The following IQCB1 variants were observed in gnomAD, a reference collection of about 807,000 sequenced individuals.
IQCB1 encodes the protein IQ motif containing B1, also known as IQ calmodulin-binding motif-containing protein 1.
IQCB1 carries 56 observed loss-of-function variants against 84.4 expected under a neutral mutation model. The observed-to-expected ratio is 0.66, with a 90% CI of 0.54 to 0.83. The LOEUF is 0.83. Among genes scored for constraint, IQCB1 ranks in the 40% least tolerant of loss-of-function variants. The pLI is 0.00. For synonymous variants in IQCB1, 210 were observed against 234.8 expected (o/e 0.89, Z 0.96); for missense variants, 629 against 682.1 (o/e 0.92, Z 0.87).
intron 12 of IQCB1, among the ~76,000 whole-genome samples, chr3:121,786,786 T>C (rs555000067): frequency 3.1e-4 from 47 of 152,292 alleles, no homozygotes; most frequent in Admixed American, 1.8e-3. Flanking sequence ...CTCTAAGAAA[T>C]GGTAGGCAAA....
At chr3:121,821,428 A>G (rs1156770121) in intron 5 of IQCB1, among the ~76,000 whole-genome samples, 1 of 152,150 alleles carries the variant, frequency 6.6e-6, no homozygotes, top group Non-Finnish European at 1.5e-5. Flanking sequence ...AGATAGATAG[A>G]CCAGGTACCA....
intron 8 of IQCB1, 121 bp downstream of exon 8, chr3:121,799,075 G>T: frequency 1.5e-6 from 1 of 681,408 alleles, no homozygotes; most frequent in Non-Finnish European, 2.6e-6. Flanking sequence ...TATCTGTTGT[G>T]AGTTTTATCT....
At chr3:121,830,676 T>TTGTTA (rs1425789923) in intron 2 of IQCB1, among the ~76,000 whole-genome samples, 3 of 152,220 alleles carry the variant, frequency 2.0e-5, no homozygotes, top group African/African-American at 2.4e-5. Flanking sequence ...TGTTACAGTC[T>TTGTTA]TGTTATGTTA....
chr3:121,774,485 G>C (rs1417133749), intron 13 of IQCB1, among the ~76,000 whole-genome samples: 3 of 152,142 alleles, frequency 2.0e-5, no homozygotes, highest in Non-Finnish European at 4.4e-5. Context: ...GTACACACAT[G>C]GTCACAGTAG....
Position 121,770,039 on chromosome 3 carries a change from T to C in IQCB1, c.*306A>G, listed in dbSNP as rs896394704. On this transcript the variant is annotated 3_prime_UTR_variant, in exon 15 of 15. Transcript: ENST00000310864. ...AAATATTTATTTAGAAAAAAATATT[T>C]AGTTGGAAAACAGAAGAAACCAAAG... The C allele has an allele frequency of 2.3e-5, 5 of 217,440 alleles. No homozygotes were observed. Among genetic ancestry groups the C allele is most frequent in the African/African-American group, 9.2e-5 (4 of 43,632 alleles). 13.5% of individuals were successfully genotyped at this position (217,440 alleles called of 1,614,324 possible).
chr3:121,778,415 A>G (rs962830969), intron 13 of IQCB1, among the ~76,000 whole-genome samples: 2 of 152,212 alleles, frequency 1.3e-5, no homozygotes, highest in African/African-American at 4.8e-5. Context: ...CTACACAAAT[A>G]AAAAGAATTT....
At chr3:121,797,873 T>C (rs1301522586) in intron 8 of IQCB1, among the ~76,000 whole-genome samples, 1 of 152,018 alleles carries the variant, frequency 6.6e-6, no homozygotes, top group Admixed American at 6.6e-5. Flanking sequence ...TTATAATGTG[T>C]GTATTCAAAA....
intron 11 of IQCB1, 147 bp from the exon 12 acceptor site, chr3:121,788,579 T>A: frequency 1.2e-6 from 1 of 800,082 alleles, no homozygotes; most frequent in African/African-American, 1.7e-5. Flanking sequence ...TATTTTACCA[T>A]GGTTCTAAGA....
chr3:121,793,962 A>T (rs1360417841), intron 10 of IQCB1, among the ~76,000 whole-genome samples: 1 of 152,160 alleles, frequency 6.6e-6, no homozygotes, highest in Non-Finnish European at 1.5e-5. Context: ...CTTAAATTTA[A>T]GATGACAGGT....
chr3:121,790,917 G>A (rs571325654), intron 10 of IQCB1, among the ~76,000 whole-genome samples: 13 of 152,132 alleles, frequency 8.5e-5, no homozygotes, highest in African/African-American at 3.1e-4. Context: ...AACTGGTTAT[G>A]AAAATTTTCA....
At chr3:121,805,293 T>C (rs1436494604) in intron 7 of IQCB1, among the ~76,000 whole-genome samples, 1 of 152,136 alleles carries the variant, frequency 6.6e-6, no homozygotes, top group Non-Finnish European at 1.5e-5. Context: ...GCAAGATACA[T>C]GCAGTACTGC....
At chr3:121,808,352 T>C (rs1949687813) in intron 6 of IQCB1, among the ~76,000 whole-genome samples, 1 of 152,010 alleles carries the variant, frequency 6.6e-6, no homozygotes, top group African/African-American at 2.4e-5. Context: ...CTATATTAGA[T>C]GAAATTTTTC....
rs1708198143 is a variant in IQCB1, at chr3:121,834,966, CT to C, written c.-103del. On this transcript the variant is annotated splice_region_variant and 5_prime_UTR_variant, in exon 1 of 15. It removes the in-frame stop codon of an upstream open reading frame in the 5' UTR. Transcript: ENST00000310864. ...CCAGCCACCACCTCAGATAAGTTAC[CT>C]CATCCTCGCTTCGCGTTCTTCCACT... The C allele has an allele frequency of 4.5e-6, 2 of 441,030 alleles. No individual in the cohort carries two copies. The highest frequency in any genetic ancestry group is 8.3e-6 in the Non-Finnish European group (2 of 240,950). 27.3% of individuals were successfully genotyped at this position (441,030 alleles called of 1,614,324 possible).
At chr3:121,809,908 A>G (rs1426142065) in intron 5 of IQCB1, among the ~76,000 whole-genome samples, 5 of 151,694 alleles carry the variant, frequency 3.3e-5, no homozygotes, top group Non-Finnish European at 7.4e-5. Context: ...TATCCTAGGA[A>G]TATTCTAGGA....
At chr3:121,784,901 T>C (rs1477897710) in intron 12 of IQCB1, among the ~76,000 whole-genome samples, 1 of 152,154 alleles carries the variant, frequency 6.6e-6, no homozygotes, top group African/African-American at 2.4e-5. Context: ...CTCAAACTCC[T>C]GAGCTCAAGT....
rs137890014 is a variant in IQCB1 at position 121,790,079 on chromosome 3, G to T, written c.1123C>A (p.His375Asn). Residue 375 changes from histidine (H) to asparagine (N), a missense_variant, in exon 11 of 15, where the codon CAT becomes AAT. By Grantham distance (68) the His-to-Asn change is moderately conservative (BLOSUM62 1). Coordinates refer to ENST00000310864, the MANE Select transcript of IQCB1 (RefSeq NM_001023570.4). ...ELQLSMLEIV[H>N]PGQVEKHYRE... ...AGTTGATACTGCCACTCACCTGGAT[G>T]AACTATTTCGAGCATACTCAGCTGC... 25 of 1,612,888 alleles carry T rather than the reference G, an allele frequency of 1.6e-5. No homozygotes were observed. The African/African-American group carries it at 3.2e-4, about 21-fold the overall frequency.
chr3:121,797,531 T>A (rs1949249501), intron 8 of IQCB1, among the ~76,000 whole-genome samples: 1 of 149,028 alleles, frequency 6.7e-6, no homozygotes. Context: ...CTGTGGTAAA[T>A]CAAAAAGTAG....
At chr3:121,794,177 G>A (rs939311762) in intron 10 of IQCB1, among the ~76,000 whole-genome samples, 1 of 151,822 alleles carries the variant, frequency 6.6e-6, no homozygotes, top group Non-Finnish European at 1.5e-5. Context: ...AATAAACTTT[G>A]AGTAATAATA....
intron 12 of IQCB1, among the ~76,000 whole-genome samples, chr3:121,782,823 GC>G (rs1475894912): frequency 6.6e-6 from 1 of 152,128 alleles, no homozygotes; most frequent in African/African-American, 2.4e-5. Flanking sequence ...GGGATTACAG[GC>G]ATGCACCACC....
Sources: allele counts gnomAD v4.1 joint callset (sites outside exome capture counted in the v4.1 genomes callset), GRCh38; gene constraint gnomAD v4.1.1; transcripts MANE v1.5; gene names NCBI Gene and HGNC (gene_info 2026-07-23, HGNC 2026-07-21).